The following HK2 variants were observed in gnomAD, a reference collection of about 807,000 sequenced individuals.
The protein encoded by HK2 is hexokinase-2.
In HK2, 42 loss-of-function variants were observed where a neutral mutation model predicts 92.9. The ratio of observed to expected loss-of-function variants is 0.45; its 90% CI spans 0.35 to 0.58. HK2 has a LOEUF of 0.58. Ranked by LOEUF, HK2 falls within the 20% of genes least tolerant of loss-of-function variation. HK2 has a pLI of 0.00. For missense variants in HK2, 978 were observed against 1,245.1 expected (o/e 0.79, Z 3.23); for synonymous variants, 422 against 468.0 (o/e 0.90, Z 1.27).
intron 16 of HK2, among the ~76,000 whole-genome samples, chr2:74,888,332 A>G (rs943355188): frequency 1.3e-5 from 2 of 152,250 alleles, no homozygotes; most frequent in African/African-American, 4.8e-5. Flanking sequence ...AAAGGTAGAA[A>G]GATACCTGCT....
In HK2 at chr2:74,885,519, G is replaced by C. The variant is rs1463240791; in HGVS notation, c.1865G>C (p.Gly622Ala). ...AGCATCCTCCTCAAGTGGACAAAAG[G>C]CTTCAAGGCATCTGGCTGCGAGGGC... ...DESILLKWTK[G>A]FKASGCEGED... Residue 622 changes from glycine to alanine, a missense_variant, in exon 13 of 18, where the codon GGC (glycine) becomes GCC (alanine). Coordinates refer to ENST00000290573, the MANE Select transcript of HK2 (RefSeq NM_000189.5). The C allele has an allele frequency of 8.1e-6, 13 of 1,613,848 alleles. No homozygotes were observed. Among genetic ancestry groups the C allele is most frequent in the African/African-American group, 1.3e-5 (1 of 74,992 alleles).
intron 17 of HK2, among the ~76,000 whole-genome samples, chr2:74,890,334 G>A (rs1343502490): frequency 2.0e-5 from 3 of 152,182 alleles, no homozygotes; most frequent in Non-Finnish European, 4.4e-5. Flanking sequence ...TTTTGCCTCC[G>A]ATGACATTTT....
intron 11 of HK2, 95 bp downstream of exon 11, chr2:74,881,954 G>T: frequency 6.7e-7 from 1 of 1,494,738 alleles, no homozygotes. Context: ...TGACCCTGGG[G>T]AGGGCTAGCT....
intron 3 of HK2, among the ~76,000 whole-genome samples, chr2:74,870,219 A>G (rs759049416): frequency 1.3e-5 from 2 of 151,784 alleles, no homozygotes; most frequent in African/African-American, 2.4e-5. Context: ...TTGAATCACC[A>G]TGTTGGCTTT....
At chr2:74,870,001 CTT>C (rs66946936) in intron 3 of HK2, among the ~76,000 whole-genome samples, 1,866 of 121,448 alleles carry the variant, frequency 0.015, 29 homozygotes, top group African/African-American at 0.048. Flanking sequence ...CTTTTCTTTT[CTT>C]TTTTTTTTTT....
At chr2:74,861,925 G>T (rs552354635) in intron 2 of HK2, among the ~76,000 whole-genome samples, 1 of 152,134 alleles carries the variant, frequency 6.6e-6, no homozygotes, top group Non-Finnish European at 1.5e-5. Flanking sequence ...GTGTCAGATC[G>T]ATCATTTGAC....
intron 6 of HK2, 54 bp downstream of exon 6, chr2:74,873,997 G>T: frequency 7.4e-7 from 1 of 1,355,174 alleles, no homozygotes; most frequent in South Asian, 1.2e-5. Flanking sequence ...TGGGGGTGTG[G>T]GCTGGAAAGG....
chr2:74,877,359 C>T (rs1689260181), intron 8 of HK2, 38 bp downstream of exon 8: 1 of 1,611,988 alleles, frequency 6.2e-7, no homozygotes, highest in Non-Finnish European at 8.5e-7. Flanking sequence ...TGCTGGATCA[C>T]CACACGAGTT....
chr2:74,890,678 CCT>C (rs1689654963), intron 17 of HK2, 117 bp from the exon 18 acceptor site: 3 of 1,135,280 alleles, frequency 2.6e-6, no homozygotes, highest in Non-Finnish European at 4.0e-6. Flanking sequence ...TCATCCTTCT[CCT>C]CTTCTTAATT....
chr2:74,877,275 C>T lies in HK2; in HGVS notation c.985C>T (p.Leu329Phe). 1 of 1,614,186 alleles carries T rather than the reference C, an allele frequency of 6.2e-7. No individual in the cohort carries two copies. The highest frequency in any genetic ancestry group is 8.5e-7 in the Non-Finnish European group (1 of 1,180,040). The change falls in exon 8 of 18, where the codon CTC becomes TTC. Residue 329 changes from leucine to phenylalanine, a missense_variant. Leu to Phe is a conservative substitution (Grantham distance 22). Transcript: ENST00000290573. The stretch of plus-strand genomic sequence containing the variant: ...TGGGGGGAAGCTCAGCCCAGAGCTT[C>T]TCAACACCGGTCGCTTTGAGACCAA... ...LFGGKLSPELLNTGRFETKDI... is the reference protein window; with the variant it reads ...LFGGKLSPELFNTGRFETKDI...
intron 3 of HK2, among the ~76,000 whole-genome samples, chr2:74,871,543 G>C (rs1203203246): frequency 6.6e-6 from 1 of 152,204 alleles, no homozygotes; most frequent in African/African-American, 2.4e-5. Flanking sequence ...GGCTTATTAT[G>C]AATACAGCTT....
chr2:74,841,215 A>G (rs1316010532), intron 1 of HK2, among the ~76,000 whole-genome samples: 1 of 151,752 alleles, frequency 6.6e-6, no homozygotes, highest in African/African-American at 2.4e-5. Context: ...TTTATACCCC[A>G]GTGGACTTTG....
intron 1 of HK2, among the ~76,000 whole-genome samples, chr2:74,845,117 A>G (rs565139272): frequency 6.6e-6 from 1 of 152,292 alleles, no homozygotes; most frequent in South Asian, 2.1e-4. Flanking sequence ...TCAGATTCAC[A>G]TTGATGTATG....
intron 5 of HK2, 77 bp from the exon 6 acceptor site, chr2:74,873,767 G>T: frequency 1.1e-6 from 1 of 887,668 alleles, no homozygotes; most frequent in Non-Finnish European, 1.9e-6. Context: ...GGAGGAGGAG[G>T]AGTGATATAT....
At chr2:74,888,501 T>C (rs561098757) in intron 16 of HK2, among the ~76,000 whole-genome samples, 1 of 152,324 alleles carries the variant, frequency 6.6e-6, no homozygotes, top group South Asian at 2.1e-4. Context: ...ACACAGTGGC[T>C]CATTAGAGCA....
intron 3 of HK2, among the ~76,000 whole-genome samples, chr2:74,871,979 G>C (rs1689109717): frequency 6.6e-6 from 1 of 152,200 alleles, no homozygotes; most frequent in South Asian, 2.1e-4. Flanking sequence ...GTGACTTTCT[G>C]ATTAATGTTG....
At chr2:74,868,161 C>T (rs769108982) in intron 3 of HK2, among the ~76,000 whole-genome samples, 5 of 152,148 alleles carry the variant, frequency 3.3e-5, no homozygotes, top group African/African-American at 7.2e-5. Context: ...GAGTAGAACA[C>T]GCTGGGGAGA....
rs542596341 is a variant in HK2, at chr2:74,882,051, G to A, written c.1720-69G>A. 1.7e-4 allele frequency: 258 copies of A among 1,501,300 alleles called. 2 individuals carry two copies. The East Asian group carries it at 4.4e-3, about 25-fold the overall frequency. 93.0% of individuals were successfully genotyped at this position (1,501,300 alleles called of 1,614,324 possible). A position where few individuals can be genotyped will look rare whatever the true frequency, so the allele number is the denominator to read the frequency against. ...GTGGAAAGAAACATTGATGTTGTGC[G>A]CAGGCCCTACTGGGGGCAGCCTGCC... is the stretch of plus-strand genomic sequence containing the variant. On this transcript the variant is annotated intron_variant, in intron 11 of 17. Transcript: ENST00000290573.
intron 1 of HK2, among the ~76,000 whole-genome samples, chr2:74,852,249 T>A (rs1039150442): frequency 9.2e-5 from 14 of 152,192 alleles, no homozygotes; most frequent in African/African-American, 2.2e-4. Context: ...CTGGTCTGGG[T>A]AGCCCCAGAC....
Sources: allele counts gnomAD v4.1 joint callset (sites outside exome capture counted in the v4.1 genomes callset), GRCh38; gene constraint gnomAD v4.1.1; transcripts MANE v1.5; gene names NCBI Gene and HGNC (gene_info 2026-07-23, HGNC 2026-07-21).